Variants in UGT1A9 observed in about 807,000 individuals in gnomAD.
UGT1A9 encodes UDP glucuronosyltransferase family 1 member A9.
UGT1A9 carries 35 observed loss-of-function variants against 45.0 expected under a neutral mutation model. The observed-to-expected ratio is 0.78, with a 90% CI of 0.59 to 1.03. UGT1A9 has a LOEUF of 1.03. Among genes scored for constraint, UGT1A9 ranks in the 50% least tolerant of loss-of-function variants. The pLI, the probability that UGT1A9 is intolerant of heterozygous loss-of-function variation, is 0.00. For missense variants in UGT1A9, 687 were observed against 666.6 expected, an observed-to-expected ratio of 1.03 and a Z score of -0.34; for synonymous variants, 278 against 250.6, an observed-to-expected ratio of 1.11 and a Z score of -1.03.
Position 233,720,480 on chromosome 2 carries a change from G to GTCCAAGAAGGGACTTCTGGTGAGGA in UGT1A9, c.856-46542_856-46541insCTTCTGGTGAGGATCCAAGAAGGGA, listed in dbSNP as rs2076862998. Among the ~76,000 whole-genome samples the GTCCAAGAAGGGACTTCTGGTGAGGA allele has an allele frequency of 3.3e-5, 5 of 152,228 alleles. No individual in the cohort carries two copies. In the South Asian group the frequency reaches 1.0e-3, roughly 32 times the overall value. ...TGGGACCAGTGATGAATGGACATGT[G>GTCCAAGAAGGGACTTCTGGTGAGGA]TCCAAGAAGGGAAGTGTTTCTCAGG... On this transcript the variant is annotated intron_variant, in intron 1 of 4. Transcript: ENST00000354728.
chr2:233,685,467 A>G (rs900120949), intron 1 of UGT1A9, among the ~76,000 whole-genome samples: 1 of 152,232 alleles, frequency 6.6e-6, no homozygotes, highest in Non-Finnish European at 1.5e-5. Flanking sequence ...GGGCCAGTGC[A>G]GCTCTGGAGA....
chr2:233,757,582 G>C (rs1357461838), intron 1 of UGT1A9, among the ~76,000 whole-genome samples: 2 of 95,184 alleles, frequency 2.1e-5, no homozygotes, highest in Non-Finnish European at 4.3e-5. Context: ...TATAGCTATA[G>C]TCTAATAGCA....
chr2:233,719,383 C>G (rs778111484), intron 1 of UGT1A9: 11 of 1,613,932 alleles, frequency 6.8e-6, no homozygotes, highest in Non-Finnish European at 9.3e-6. Flanking sequence ...ACACAGTGTC[C>G]AAATCCTTCC....
At position 233,713,108 on chromosome 2, in the gene UGT1A9, C is replaced by T. The variant is rs752381189; in HGVS notation, c.855+40319C>T. Reference sequence around the variant, plus strand: ...TGCTGGTGGTGCCCACTGATGGCAGCCACTGGCTCAGCATGCGGGAGGCCT... The same window carrying T: ...TGCTGGTGGTGCCCACTGATGGCAGTCACTGGCTCAGCATGCGGGAGGCCT... On this transcript the variant is annotated intron_variant, in intron 1 of 4. Coordinates refer to ENST00000354728, the MANE Select transcript of UGT1A9 (RefSeq NM_021027.3). The T allele has an allele frequency of 2.3e-5, 37 of 1,614,062 alleles. No homozygotes were observed. The South Asian group carries it at 3.5e-4, about 15-fold the overall frequency.
chr2:233,727,225 C>T (rs1417750017), intron 1 of UGT1A9, among the ~76,000 whole-genome samples: 8 of 152,168 alleles, frequency 5.3e-5, no homozygotes, highest in South Asian at 4.1e-4. Context: ...TCCACATATG[C>T]GGATGGCTCC....
chr2:233,707,852 A>G (rs917969840), intron 1 of UGT1A9, among the ~76,000 whole-genome samples: 14 of 152,114 alleles, frequency 9.2e-5, no homozygotes, highest in African/African-American at 1.4e-4. Flanking sequence ...TATTTTTCAG[A>G]GTGGTTGTAC....
At chr2:233,732,739 T>C (rs2078307146) in intron 1 of UGT1A9, among the ~76,000 whole-genome samples, 1 of 151,466 alleles carries the variant, frequency 6.6e-6, no homozygotes, top group Non-Finnish European at 1.5e-5. Flanking sequence ...TCAGGTAGCA[T>C]GATGCCACCA....
At chr2:233,706,372 T>C (rs2075905124) in intron 1 of UGT1A9, among the ~76,000 whole-genome samples, 1 of 152,222 alleles carries the variant, frequency 6.6e-6, no homozygotes, top group South Asian at 2.1e-4. Flanking sequence ...TAGGCCATTG[T>C]ACAAAAGCAG....
chr2:233,748,112 C>G (rs879064318), intron 1 of UGT1A9: 2 of 1,611,964 alleles, frequency 1.2e-6, no homozygotes, highest in South Asian at 2.2e-5. Context: ...AATCAATGTT[C>G]CAGGCAAAAC....
intron 1 of UGT1A9, among the ~76,000 whole-genome samples, chr2:233,737,380 C>T (rs1472756282): frequency 6.6e-6 from 1 of 152,238 alleles, no homozygotes; most frequent in Non-Finnish European, 1.5e-5. Context: ...GGGAGAGAAT[C>T]TCCTTGTCTG....
At chr2:233,676,891 T>G (rs2074374210) in intron 1 of UGT1A9, among the ~76,000 whole-genome samples, 1 of 152,246 alleles carries the variant, frequency 6.6e-6, no homozygotes, top group African/African-American at 2.4e-5. Context: ...TTCATACATC[T>G]GTGCACGTAT....
At chr2:233,748,132 A>T in intron 1 of UGT1A9, 1 of 1,610,152 alleles carries the variant, frequency 6.2e-7, no homozygotes, top group Middle Eastern at 2.1e-4. Flanking sequence ...CAGTTTTTAA[A>T]AATTGTATTT....
intron 1 of UGT1A9, among the ~76,000 whole-genome samples, chr2:233,745,661 A>G (rs1429589845): frequency 6.6e-6 from 1 of 151,454 alleles, no homozygotes; most frequent in East Asian, 1.9e-4. Context: ...CAGTGTGAAC[A>G]AAGCAATTTG....
At chr2:233,692,058 G>A (rs1175564530) in intron 1 of UGT1A9, 1 of 152,118 alleles carries the variant, frequency 6.6e-6, no homozygotes, top group Non-Finnish European at 1.5e-5. Context: ...GCGATTAGAG[G>A]GAAGAAAGGA....
intron 1 of UGT1A9, chr2:233,747,495 G>A (rs1693698744): frequency 6.2e-7 from 1 of 1,608,584 alleles, no homozygotes; most frequent in African/African-American, 1.3e-5. Flanking sequence ...CCTTGTGCTG[G>A]GCCACACTCA....
At chr2:233,747,272 T>G (rs1693606850) in intron 1 of UGT1A9, 7 of 1,598,964 alleles carry the variant, frequency 4.4e-6, no homozygotes, top group Non-Finnish European at 6.0e-6. Context: ...CTACTCCTTC[T>G]CAGTGCCCAG....
rs1008257077 is a variant in UGT1A9, at chr2:233,682,304, A to C, written c.855+9515A>C. 9.3e-6 allele frequency: 15 copies of C among 1,613,950 alleles called. No homozygotes were observed. Among genetic ancestry groups the C allele is most frequent in the Non-Finnish European group, 1.1e-5 (13 of 1,180,004 alleles). ...TGGTATTTTTGACTTATTTTTTTCA[A>C]ATTGCAGGAGTTTGTTTAATGACCG... On this transcript the variant is annotated intron_variant, in intron 1 of 4. Coordinates refer to ENST00000354728, the MANE Select transcript of UGT1A9 (RefSeq NM_021027.3).
intron 1 of UGT1A9, among the ~76,000 whole-genome samples, chr2:233,726,525 T>C (rs979255090): frequency 7.9e-5 from 12 of 152,244 alleles, no homozygotes; most frequent in Non-Finnish European, 1.5e-4. Context: ...TTTCCACTTT[T>C]AGGGAGATGC....
At chr2:233,747,348 G>C in intron 1 of UGT1A9, 1 of 1,603,426 alleles carries the variant, frequency 6.2e-7, no homozygotes, top group Admixed American at 1.7e-5. Flanking sequence ...TCGCATGCGG[G>C]AGGCCGTGCG....
Sources: allele counts gnomAD v4.1 joint callset (sites outside exome capture counted in the v4.1 genomes callset), GRCh38; gene constraint gnomAD v4.1.1; transcripts MANE v1.5; gene names NCBI Gene and HGNC (gene_info 2026-07-23, HGNC 2026-07-21).